SOX6: variants seen among roughly 807,000 people sequenced by gnomAD.
The protein encoded by SOX6 is SRY-box transcription factor 6, also known as transcription factor SOX-6.
A neutral mutation model predicts 97.8 loss-of-function variants in SOX6; 11 were observed. The ratio of observed to expected loss-of-function variants is 0.11; its 90% CI spans 0.07 to 0.19. The LOEUF is 0.19. Among genes scored for constraint, SOX6 ranks in the 10% least tolerant of loss-of-function variants. The probability of loss-of-function intolerance (pLI) is 1.00; values close to 1 mark genes in which losing one functional copy is unlikely to be tolerated. For synonymous variants in SOX6, 360 were observed against 371.4 expected (o/e 0.97, Z 0.35); for missense variants, 810 against 1,039.5 (o/e 0.78, Z 3.04).
chr11:16,603,848 C>CTA (rs1848300649), intron 4 of SOX6, among the ~76,000 whole-genome samples: 1 of 152,198 alleles, frequency 6.6e-6, no homozygotes, highest in South Asian at 2.1e-4. Context: ...CAAGACAAGG[C>CTA]TACACTGTCA....
intron 4 of SOX6, among the ~76,000 whole-genome samples, chr11:16,555,378 G>A (rs956363879): frequency 4.6e-5 from 7 of 151,080 alleles, no homozygotes; most frequent in African/African-American, 9.7e-5. Flanking sequence ...AGGTGTTATC[G>A]GTATTTAAGT....
intron 1 of SOX6, among the ~76,000 whole-genome samples, chr11:16,389,015 G>T (rs1432374265): frequency 6.6e-6 from 1 of 151,840 alleles, no homozygotes; most frequent in African/African-American, 2.4e-5. Context: ...TTTTAATATT[G>T]TCATATATCC....
intron 6 of SOX6, among the ~76,000 whole-genome samples, chr11:16,123,882 C>T (rs901632618): frequency 1.3e-5 from 2 of 152,094 alleles, no homozygotes; most frequent in African/African-American, 2.4e-5. Flanking sequence ...TACTCCCTAG[C>T]CTAGGCTGCC....
intron 9 of SOX6, among the ~76,000 whole-genome samples, chr11:16,071,031 C>A (rs892933722): frequency 6.6e-6 from 1 of 152,256 alleles, no homozygotes; most frequent in African/African-American, 2.4e-5. Flanking sequence ...CCTCCCCTTA[C>A]CAGACAGGGC....
At chr11:16,662,999 A>G (rs1179836294) in intron 3 of SOX6, among the ~76,000 whole-genome samples, 1 of 152,178 alleles carries the variant, frequency 6.6e-6, no homozygotes, top group Non-Finnish European at 1.5e-5. Context: ...CCTAAAAAAA[A>G]GTATTAACAA....
intron 3 of SOX6, among the ~76,000 whole-genome samples, chr11:16,631,515 T>C (rs536301356): frequency 8.5e-5 from 13 of 152,310 alleles, no homozygotes; most frequent in African/African-American, 1.2e-4. Flanking sequence ...TTAAGATTTT[T>C]TCTTTAGCAT....
At chr11:16,332,188 C>T (rs1411191799) in intron 2 of SOX6, among the ~76,000 whole-genome samples, 3 of 152,040 alleles carry the variant, frequency 2.0e-5, no homozygotes, top group African/African-American at 7.2e-5. Context: ...AACTGAAAGT[C>T]ATATATTGAG....
At chr11:16,498,361 A>G (rs1860644440) in intron 4 of SOX6, among the ~76,000 whole-genome samples, 1 of 152,212 alleles carries the variant, frequency 6.6e-6, no homozygotes, top group South Asian at 2.1e-4. Context: ...AACATGCCAA[A>G]TTGTAAAGAC....
intron 6 of SOX6, among the ~76,000 whole-genome samples, chr11:16,118,283 C>A (rs1022902862): frequency 4.6e-5 from 7 of 152,182 alleles, no homozygotes; most frequent in Non-Finnish European, 8.8e-5. Flanking sequence ...AATCCCTAAC[C>A]AAAGTGTTTC....
intron 3 of SOX6, among the ~76,000 whole-genome samples, chr11:16,672,809 C>A (rs557359839): frequency 6.6e-6 from 1 of 152,084 alleles, no homozygotes; most frequent in African/African-American, 2.4e-5. Context: ...AGGCTCAAAG[C>A]TCAAAATAAA....
intron 1 of SOX6, among the ~76,000 whole-genome samples, chr11:16,421,029 G>A (rs555676250): frequency 6.6e-6 from 1 of 152,222 alleles, no homozygotes; most frequent in South Asian, 2.1e-4. Flanking sequence ...ATACTTTAGT[G>A]ACAATGTGAG....
chr11:16,267,183 G>C (rs1162812356), intron 3 of SOX6, among the ~76,000 whole-genome samples: 1 of 132,678 alleles, frequency 7.5e-6, no homozygotes, highest in Non-Finnish European at 1.6e-5. Context: ...AGCAAAAATA[G>C]ACAAATGGGA....
intron 4 of SOX6, among the ~76,000 whole-genome samples, chr11:16,216,807 T>C (rs1852386732): frequency 6.6e-6 from 1 of 152,094 alleles, no homozygotes; most frequent in South Asian, 2.1e-4. Context: ...CTTCCTAATA[T>C]CAAAACTGAA....
chr11:16,609,517 C>T (rs1848372913), intron 4 of SOX6, among the ~76,000 whole-genome samples: 1 of 152,182 alleles, frequency 6.6e-6, no homozygotes, highest in East Asian at 1.9e-4. Flanking sequence ...TCATGGCAAT[C>T]TAAAGTTGCC....
chr11:16,663,208 C>G (rs1847779489), intron 3 of SOX6, among the ~76,000 whole-genome samples: 1 of 151,918 alleles, frequency 6.6e-6, no homozygotes, highest in Non-Finnish European at 1.5e-5. Flanking sequence ...CAATTCTATT[C>G]AATGTAGCAC....
intron 1 of SOX6, among the ~76,000 whole-genome samples, chr11:16,414,973 A>G (rs1385410171): frequency 2.0e-5 from 3 of 152,146 alleles, no homozygotes; most frequent in African/African-American, 7.2e-5. Flanking sequence ...TGTATGCTAG[A>G]ATACTTTGCT....
At chr11:16,709,194 G>A (rs1003008477) in intron 3 of SOX6, among the ~76,000 whole-genome samples, 3 of 152,086 alleles carry the variant, frequency 2.0e-5, no homozygotes, top group Admixed American at 6.6e-5. Flanking sequence ...TCATGATAGC[G>A]AGTTCTCATA....
At chr11:16,634,004 TG>T (rs1427618640) in intron 3 of SOX6, among the ~76,000 whole-genome samples, 1 of 152,080 alleles carries the variant, frequency 6.6e-6, no homozygotes, top group Non-Finnish European at 1.5e-5. Flanking sequence ...ATCAGGAAAA[TG>T]TGATTCATTT....
chr11:16,065,266 A>G (rs1219153328), intron 9 of SOX6, among the ~76,000 whole-genome samples: 3 of 152,092 alleles, frequency 2.0e-5, no homozygotes, highest in African/African-American at 7.2e-5. Context: ...GCCACTTACA[A>G]TAGTCACAAA....
Sources: allele counts gnomAD v4.1 joint callset (sites outside exome capture counted in the v4.1 genomes callset), GRCh38; gene constraint gnomAD v4.1.1; transcripts MANE v1.5; gene names NCBI Gene and HGNC (gene_info 2026-07-23, HGNC 2026-07-21).